Variants in BAZ2B observed in about 807,000 individuals in gnomAD.
The protein encoded by BAZ2B is bromodomain adjacent to zinc finger domain 2B.
Under a neutral mutation model 246.0 loss-of-function variants are expected in BAZ2B, and 91 were observed. The observed-to-expected ratio is 0.37, with a 90% confidence interval of 0.31 to 0.44. BAZ2B has a LOEUF of 0.44. Among genes scored for constraint, BAZ2B ranks in the 20% least tolerant of loss-of-function variants. The probability of loss-of-function intolerance (pLI) is 1.00; values close to 1 mark genes in which losing one functional copy is unlikely to be tolerated. For synonymous variants in BAZ2B, 855 were observed against 860.0 expected, an observed-to-expected ratio of 0.99 and a Z score of 0.10; for missense variants, 2,332 against 2,533.7, an observed-to-expected ratio of 0.92 and a Z score of 1.71.
intron 27 of BAZ2B, among the ~76,000 whole-genome samples, chr2:159,369,710 C>A (rs1430285485): frequency 6.6e-6 from 1 of 151,992 alleles, no homozygotes; most frequent in African/African-American, 2.4e-5. Flanking sequence ...TTTTCTTAAG[C>A]TTTTCAGGTG....
intron 1 of BAZ2B, among the ~76,000 whole-genome samples, chr2:159,602,605 T>C (rs1692425842): frequency 6.6e-6 from 1 of 152,196 alleles, no homozygotes; most frequent in Non-Finnish European, 1.5e-5. Context: ...CTTTGTTCAA[T>C]AGCATTAAGT....
intron 3 of BAZ2B, among the ~76,000 whole-genome samples, chr2:159,455,204 A>G (rs1335386085): frequency 2.0e-5 from 3 of 152,076 alleles, no homozygotes; most frequent in Admixed American, 2.0e-4. Flanking sequence ...TAAGTTAAAA[A>G]TAGTATACTT....
At chr2:159,620,169 A>G (rs1696373355), upstream of BAZ2B, among the ~76,000 whole-genome samples, 1 of 152,208 alleles carries the variant, frequency 6.6e-6, no homozygotes, top group Non-Finnish European at 1.5e-5. Context: ...TGGGTATTGT[A>G]GATGGTTCCT....
At chr2:159,633,470 A>T in the BAZ2B span, among the ~76,000 whole-genome samples, 1 of 152,242 alleles carries the variant, frequency 6.6e-6, no homozygotes, top group African/African-American at 2.4e-5. Flanking sequence ...TTTGCATCAT[A>T]GGTTGTCCTC....
At chr2:159,453,977 G>C (rs888949858) in intron 3 of BAZ2B, among the ~76,000 whole-genome samples, 176 bp from the exon 4 acceptor site, 19 of 151,930 alleles carry the variant, frequency 1.3e-4, no homozygotes, top group Admixed American at 1.2e-3. Flanking sequence ...GAAACATGAA[G>C]ACATGCTAAA....
At chr2:159,356,809 C>G (rs1162398051) in intron 27 of BAZ2B, among the ~76,000 whole-genome samples, 2 of 152,184 alleles carry the variant, frequency 1.3e-5, no homozygotes, top group East Asian at 3.9e-4. Context: ...TGTTCTGCAG[C>G]CTCCGCTGGT....
downstream of BAZ2B, among the ~76,000 whole-genome samples, chr2:159,318,583 A>G (rs2062354814): frequency 6.6e-6 from 1 of 152,236 alleles, no homozygotes; most frequent in African/African-American, 2.4e-5. Flanking sequence ...GGAGCCCAGC[A>G]GGGCAGCAAA....
At chr2:159,424,535 T>C (rs952673227) in intron 13 of BAZ2B, among the ~76,000 whole-genome samples, 2 of 152,200 alleles carry the variant, frequency 1.3e-5, no homozygotes, top group African/African-American at 2.4e-5. Context: ...ATTTTTGTTA[T>C]GTGTTAAGTA....
At chr2:159,350,482 C>T in intron 27 of BAZ2B, 125 bp from the exon 28 acceptor site, 2 of 848,120 alleles carry the variant, frequency 2.4e-6, no homozygotes, top group Admixed American at 3.6e-5. Context: ...TTACCTAATA[C>T]TCCCTATATT....
chr2:159,436,763 A>G (rs1315436927), intron 8 of BAZ2B, among the ~76,000 whole-genome samples: 1 of 152,144 alleles, frequency 6.6e-6, no homozygotes, highest in East Asian at 1.9e-4. Context: ...AAAAAAGAAA[A>G]AGAAAAAACA....
In BAZ2B at chr2:159,615,440, A is replaced by G. The variant is rs1695750946; in HGVS notation, c.-46+802T>C. 2.0e-5 allele frequency: 3 copies of G among 152,392 alleles called. No homozygotes were observed. The South Asian group carries it at 6.2e-4, about 32-fold the overall frequency. 9.4% of individuals were successfully genotyped at this position (152,392 alleles called of 1,614,324 possible). A position where few individuals can be genotyped will look rare whatever the true frequency, so the allele number is the denominator to read the frequency against. The stretch of plus-strand genomic sequence containing the variant: ...CTCCTCAAACCTTCTGCGTGCTGAC[A>G]TAGACCTTCCCAGGTATCCAGATCT... On this transcript the variant is annotated intron_variant, in intron 1 of 36. Coordinates refer to ENST00000392783, the MANE Select transcript of BAZ2B (RefSeq NM_013450.4).
chr2:159,339,984 A>T (rs2066342806), intron 31 of BAZ2B, among the ~76,000 whole-genome samples: 1 of 152,184 alleles, frequency 6.6e-6, no homozygotes, highest in South Asian at 2.1e-4. Flanking sequence ...GTTTGACAGA[A>T]GAAATAGGAG....
chr2:159,603,056 G>A (rs985410819), intron 1 of BAZ2B, among the ~76,000 whole-genome samples: 27 of 152,152 alleles, frequency 1.8e-4, no homozygotes, highest in East Asian at 3.9e-4. Context: ...GGAATTGCTC[G>A]AAACCAGCAG....
At chr2:159,511,350 C>G (rs879860884) in intron 2 of BAZ2B, among the ~76,000 whole-genome samples, 2 of 151,970 alleles carry the variant, frequency 1.3e-5, no homozygotes, top group East Asian at 1.9e-4. Flanking sequence ...ATTACAGGCA[C>G]CCAACACCAC....
rs1057228063 is a variant in BAZ2B, at chr2:159,383,759, A to C, written c.3687-79T>G. On this transcript the variant is annotated intron_variant, in intron 23 of 36. Coordinates refer to ENST00000392783, the MANE Select transcript of BAZ2B (RefSeq NM_013450.4). ...ATTAATTTGATATGCAATAAACTTG[A>C]TACGTAAATTAATGCATTTTTGAAT... 4.8e-6 allele frequency: 6 copies of C among 1,238,906 alleles called. No homozygotes were observed. The African/African-American group carries it at 9.1e-5, about 19-fold the overall frequency. The allele number at this position is 1,238,906 out of a possible 1,614,324, so 76.7% of individuals were successfully genotyped here.
At chr2:159,689,707 A>G in the BAZ2B span, 1 of 402,526 alleles carries the variant, frequency 2.5e-6, no homozygotes, top group Non-Finnish European at 4.6e-6. Context: ...AATCATGGAG[A>G]CGATAAATAG....
At chr2:159,606,433 T>C (rs771059038) in intron 1 of BAZ2B, among the ~76,000 whole-genome samples, 1 of 152,210 alleles carries the variant, frequency 6.6e-6, no homozygotes, top group African/African-American at 2.4e-5. Flanking sequence ...TTTTCAAATG[T>C]TGAAGATAGG....
intron 26 of BAZ2B, among the ~76,000 whole-genome samples, chr2:159,373,746 G>C (rs556323824): frequency 1.3e-5 from 2 of 152,240 alleles, no homozygotes; most frequent in South Asian, 4.1e-4. Flanking sequence ...TGGGAGGATC[G>C]CTTGAGCCTG....
intron 1 of BAZ2B, among the ~76,000 whole-genome samples, chr2:159,605,592 T>C (rs1216251269): frequency 7.2e-5 from 11 of 151,768 alleles, no homozygotes; most frequent in Admixed American, 7.2e-4. Flanking sequence ...ACAGAACACT[T>C]CATTATAAAA....
Sources: allele counts gnomAD v4.1 joint callset (sites outside exome capture counted in the v4.1 genomes callset), GRCh38; gene constraint gnomAD v4.1.1; transcripts MANE v1.5; gene names NCBI Gene and HGNC (gene_info 2026-07-23, HGNC 2026-07-21).